RERE: variants seen among roughly 807,000 people sequenced by gnomAD.
RERE encodes the protein arginine-glutamic acid dipeptide repeats protein.
A neutral mutation model predicts 146.1 loss-of-function variants in RERE; 40 were observed. The observed-to-expected ratio is 0.27, with a 90% confidence interval of 0.21 to 0.36. RERE has a LOEUF of 0.36. Among genes scored for constraint, RERE ranks in the 10% least tolerant of loss-of-function variants. RERE has a pLI of 1.00. For synonymous variants in RERE, 1,003 were observed against 866.0 expected (o/e 1.16, Z -2.78); for missense variants, 1,933 against 2,138.7 (o/e 0.90, Z 1.90).
intron 6 of RERE, among the ~76,000 whole-genome samples, chr1:8,547,887 G>A (rs893844599): frequency 6.6e-6 from 1 of 152,090 alleles, no homozygotes; most frequent in South Asian, 2.1e-4. Flanking sequence ...CCAATGATAA[G>A]AAAATATATA....
chr1:8,575,575 T>TTTG (rs1491458160), intron 4 of RERE, among the ~76,000 whole-genome samples: 168 of 126,622 alleles, frequency 1.3e-3, no homozygotes, highest in African/African-American at 4.4e-3. Context: ...TTTTTTTTTT[T>TTTG]GGCAGAGACA....
chr1:8,458,413 G>A (rs76043774), intron 11 of RERE, among the ~76,000 whole-genome samples: 5,446 of 151,844 alleles, frequency 0.036, 330 homozygotes, highest in African/African-American at 0.12. Flanking sequence ...CTTACTCCCC[G>A]CTCAAGCAAA....
At chr1:8,415,256 A>G (rs537703317) in intron 12 of RERE, among the ~76,000 whole-genome samples, 25 of 152,372 alleles carry the variant, frequency 1.6e-4, no homozygotes, top group African/African-American at 6.0e-4. Flanking sequence ...AGACCAATTC[A>G]AACCTTCCAT....
chr1:8,377,276 CT>C (rs746153696), intron 12 of RERE, among the ~76,000 whole-genome samples: 3 of 152,102 alleles, frequency 2.0e-5, no homozygotes, highest in Non-Finnish European at 2.9e-5. Context: ...CAAGGGCCCC[CT>C]TGGAGGCTTG....
intron 1 of RERE, among the ~76,000 whole-genome samples, chr1:8,755,183 T>C (rs1640611147): frequency 6.6e-6 from 1 of 152,246 alleles, no homozygotes; most frequent in Non-Finnish European, 1.5e-5. Flanking sequence ...CTGTCTTCAG[T>C]GCTACCTTTG....
chr1:8,648,528 G>A (rs182331301), intron 2 of RERE, among the ~76,000 whole-genome samples: 1 of 152,226 alleles, frequency 6.6e-6, no homozygotes, highest in Admixed American at 6.5e-5. Flanking sequence ...CACTGCACCT[G>A]ACCTATAGTC....
chr1:8,457,599 A>ATATTTATT, intron 11 of RERE, among the ~76,000 whole-genome samples: 1 of 151,946 alleles, frequency 6.6e-6, no homozygotes. Flanking sequence ...CTTACTTTAT[A>ATATTTATT]TATTTATTTA....
chr1:8,654,449 T>C (rs1208205914), intron 2 of RERE, among the ~76,000 whole-genome samples: 1 of 152,166 alleles, frequency 6.6e-6, no homozygotes, highest in South Asian at 2.1e-4. Flanking sequence ...TTGTTCCAGA[T>C]TATGGACATA....
Position 8,354,790 on chromosome 1 carries a change from G to T in RERE, c.*297C>A, listed in dbSNP as rs978206605. 5 of 413,508 alleles carry T rather than the reference G, an allele frequency of 1.2e-5. No individual in the cohort carries two copies. The highest frequency in any genetic ancestry group is 4.4e-5 in the East Asian group (1 of 22,744). The allele number at this position is 413,508 out of a possible 1,614,324, so 25.6% of individuals were successfully genotyped here. A position where few individuals can be genotyped will look rare whatever the true frequency, so the allele number is the denominator to read the frequency against. On this transcript the variant is annotated 3_prime_UTR_variant, in exon 23 of 23. Transcript: ENST00000400908. Reference sequence around the variant, plus strand: ...GCACCTACTGAGAAATCAAGGAAAAGAAAACTAAAGCCAAACCCCAAGATT... The same window carrying T: ...GCACCTACTGAGAAATCAAGGAAAATAAAACTAAAGCCAAACCCCAAGATT...
intron 7 of RERE, among the ~76,000 whole-genome samples, chr1:8,529,122 TAAC>T (rs1557673854): frequency 6.6e-6 from 1 of 152,162 alleles, no homozygotes; most frequent in Non-Finnish European, 1.5e-5. Flanking sequence ...GGCAAAATAC[TAAC>T]AACTGGTGAA....
chr1:8,399,735 A>T (rs902273033), intron 12 of RERE, among the ~76,000 whole-genome samples: 21 of 152,030 alleles, frequency 1.4e-4, no homozygotes, highest in Non-Finnish European at 2.5e-4. Flanking sequence ...TTCCATTAAC[A>T]TCGGCGCATC....
In RERE at chr1:8,423,678, G is replaced by A. The variant is rs1218485012; in HGVS notation, c.1204-871C>T. 111 of 983,514 alleles carry A rather than the reference G, an allele frequency of 1.1e-4. No individual in the cohort carries two copies. Among genetic ancestry groups the A allele is most frequent in the Non-Finnish European group, 1.3e-4 (108 of 829,446 alleles). The allele number at this position is 983,514 out of a possible 1,614,324, so 60.9% of individuals were successfully genotyped here. On this transcript the variant is annotated intron_variant, in intron 11 of 22. Coordinates refer to ENST00000400908, the MANE Select transcript of RERE (RefSeq NM_001042681.2). This position sits in a 1 kb window ranked among gnomAD's most constrained non-coding sequence, Gnocchi z 5.4. ...CTGGGCTCCGGCTCCACAAAGCGCA[G>A]GGCGGAGGCGGCCGCGGGTGGCTCG...
chr1:8,629,566 C>A (rs1048137660), intron 2 of RERE, among the ~76,000 whole-genome samples: 1 of 152,066 alleles, frequency 6.6e-6, no homozygotes, highest in African/African-American at 2.4e-5. Context: ...AAGCACAGTC[C>A]CCTCAAGGGT....
chr1:8,635,945 A>G (rs1220709434), intron 2 of RERE, among the ~76,000 whole-genome samples: 2 of 68,388 alleles, frequency 2.9e-5, no homozygotes, highest in East Asian at 8.3e-4. Context: ...TTATTATTTT[A>G]TTTTATCTTA....
intron 4 of RERE, among the ~76,000 whole-genome samples, chr1:8,568,396 A>C (rs1274581746): frequency 2.6e-5 from 4 of 152,196 alleles, no homozygotes; most frequent in Non-Finnish European, 5.9e-5. Context: ...GCGATGGTCT[A>C]AATGTTTGTC....
At chr1:8,362,984 C>T in intron 15 of RERE, 140 bp from the exon 16 acceptor site, 1 of 888,342 alleles carries the variant, frequency 1.1e-6, no homozygotes, top group South Asian at 1.7e-5. Flanking sequence ...AAACAACAGG[C>T]CGCCCTGCCT....
At chr1:8,593,163 A>G (rs974132439) in intron 4 of RERE, among the ~76,000 whole-genome samples, 24 of 152,260 alleles carry the variant, frequency 1.6e-4, no homozygotes, top group Admixed American at 1.6e-3. Flanking sequence ...ATAATAACAG[A>G]GCACCTACGT....
chr1:8,644,987 T>G (rs757550093), intron 2 of RERE, among the ~76,000 whole-genome samples: 1 of 152,248 alleles, frequency 6.6e-6, no homozygotes, highest in Non-Finnish European at 1.5e-5. Flanking sequence ...CGTTCATTCT[T>G]GGCTTTAACC....
chr1:8,614,563 C>T lies in RERE; in HGVS notation c.520G>A (p.Gly174Arg), dbSNP rs1201729433. Reference protein sequence around the residue: ...HLSEAGRGPVGSKRDHLLMNV... With the variant: ...HLSEAGRGPVRSKRDHLLMNV... ...TTTAAAAACGGGATTCTCCTTACCC[C>T]TACAGGCCCTCTCCCGGCTTCAGAA... is the stretch of plus-strand genomic sequence containing the variant. The change falls in exon 4 of 23, where the codon GGG becomes AGG. Residue 174 changes from glycine (G) to arginine (R), a missense_variant and splice_region_variant. This residue lies in a region of RERE where 74 missense variants were observed against 99.6 expected (regional missense o/e 0.74). Coordinates refer to ENST00000400908, the MANE Select transcript of RERE (RefSeq NM_001042681.2). 1 of 1,612,812 alleles carries T rather than the reference C, an allele frequency of 6.2e-7. No homozygotes were observed. The highest frequency in any genetic ancestry group is 1.7e-5 in the Admixed American group (1 of 59,880).
Sources: gnomAD v4.1 joint callset for allele counts (sites outside exome capture counted in the v4.1 genomes callset) on GRCh38, gnomAD v4.1.1 for gene constraint, gnomAD v4.1.1 regional missense constraint, Gnocchi (gnomAD v3.1) non-coding constraint, MANE v1.5 for transcripts, NCBI Gene and HGNC (gene_info 2026-07-23, HGNC 2026-07-21) for gene names.